The following KCNH1 variants were observed in gnomAD, a reference collection of about 807,000 sequenced individuals.
KCNH1 encodes the protein voltage-gated delayed rectifier potassium channel KCNH1.
KCNH1 carries 27 observed loss-of-function variants against 69.2 expected under a neutral mutation model. The ratio of observed to expected loss-of-function variants is 0.39; its 90% CI spans 0.29 to 0.54. The LOEUF (loss-of-function observed/expected upper bound fraction) is 0.54. KCNH1 is among the 20% of genes least tolerant of loss of function. KCNH1 has a pLI of 0.68. For synonymous variants in KCNH1, 456 were observed against 487.7 expected (o/e 0.93, Z 0.86); for missense variants, 798 against 1,261.6 (o/e 0.63, Z 5.57).
chr1:211,059,925 A>C (rs1690399807), intron 5 of KCNH1, among the ~76,000 whole-genome samples: 1 of 152,168 alleles, frequency 6.6e-6, no homozygotes, highest in Non-Finnish European at 1.5e-5. Flanking sequence ...ACACCTGCAA[A>C]ATACACATTC....
chr1:210,990,948 A>G (rs1271949499), intron 6 of KCNH1, among the ~76,000 whole-genome samples: 1 of 152,154 alleles, frequency 6.6e-6, no homozygotes, highest in African/African-American at 2.4e-5. Context: ...TGCTTTACCA[A>G]CATAGACTAT....
intron 10 of KCNH1, among the ~76,000 whole-genome samples, chr1:210,750,978 T>A (rs1683270874): frequency 6.6e-6 from 1 of 152,232 alleles, no homozygotes; most frequent in African/African-American, 2.4e-5. Flanking sequence ...CAACAGGTAC[T>A]TCTCTTAAGA....
intron 7 of KCNH1, among the ~76,000 whole-genome samples, chr1:210,871,192 A>G (rs569678169): frequency 2.0e-5 from 3 of 152,220 alleles, no homozygotes; most frequent in Non-Finnish European, 4.4e-5. Flanking sequence ...AATGAATGCA[A>G]ACAAATTTAC....
At chr1:210,809,628 A>G (rs899826889) in intron 7 of KCNH1, among the ~76,000 whole-genome samples, 1 of 152,188 alleles carries the variant, frequency 6.6e-6, no homozygotes, top group African/African-American at 2.4e-5. Context: ...AGCAGAGTAC[A>G]TGAAAACCCT....
At chr1:210,766,915 A>G (rs1683647440) in intron 10 of KCNH1, among the ~76,000 whole-genome samples, 1 of 152,254 alleles carries the variant, frequency 6.6e-6, no homozygotes, top group Non-Finnish European at 1.5e-5. Context: ...TTAATCTAAC[A>G]TCTTATAAAG....
chr1:210,749,303 C>T (rs1235701275), intron 10 of KCNH1, among the ~76,000 whole-genome samples: 1 of 152,168 alleles, frequency 6.6e-6, no homozygotes, highest in East Asian at 1.9e-4. Flanking sequence ...CCAAGAGAGG[C>T]TTCTGGGAGA....
chr1:210,961,893 T>G (rs1204052709), intron 6 of KCNH1, among the ~76,000 whole-genome samples: 2 of 152,190 alleles, frequency 1.3e-5, no homozygotes, highest in Non-Finnish European at 2.9e-5. Context: ...TAATGCCTTG[T>G]CTGATAATTT....
chr1:210,738,853 A>C (rs1247671783), intron 10 of KCNH1, among the ~76,000 whole-genome samples: 1 of 152,124 alleles, frequency 6.6e-6, no homozygotes, highest in Admixed American at 6.5e-5. Flanking sequence ...GGCATGAGCC[A>C]TTGCGCCTGA....
chr1:210,760,888 A>G (rs1441975173), intron 10 of KCNH1, among the ~76,000 whole-genome samples: 2 of 152,312 alleles, frequency 1.3e-5, no homozygotes, highest in African/African-American at 2.4e-5. Context: ...CCCAAAACAC[A>G]TGGGAATTCA....
intron 6 of KCNH1, among the ~76,000 whole-genome samples, chr1:210,969,359 A>G (rs1453101578): frequency 6.6e-6 from 1 of 152,096 alleles, no homozygotes; most frequent in Non-Finnish European, 1.5e-5. Flanking sequence ...AAAACTTTAT[A>G]TAAGACTAGA....
At chr1:211,076,401 G>A (rs1471736657) in intron 5 of KCNH1, among the ~76,000 whole-genome samples, 4 of 149,166 alleles carry the variant, frequency 2.7e-5, no homozygotes, top group Non-Finnish European at 4.4e-5. Flanking sequence ...GGATCAGGCA[G>A]CAATATTTGC....
chr1:211,060,424 AAG>A (rs1204115316), intron 5 of KCNH1, among the ~76,000 whole-genome samples: 7 of 148,826 alleles, frequency 4.7e-5, no homozygotes, highest in Non-Finnish European at 1.0e-4. Flanking sequence ...AAAAAAAAAA[AAG>A]AAATAAAAAA....
rs183478757 is a variant in KCNH1 at position 211,123,745 on chromosome 1, C to T, written c.79+10122G>A. Among the ~76,000 whole-genome samples the T allele has an allele frequency of 4.4e-4, 67 of 152,020 alleles. No individual in the cohort carries two copies. In the East Asian group the frequency reaches 0.012, roughly 27 times the overall value. ...AAAAGCATGAGCCGAGAGCAAGAGA[C>T]CAATAATAGCAAGACTGAGAGAGTG... On this transcript the variant is annotated intron_variant, in intron 1 of 10. Coordinates refer to ENST00000271751, the MANE Select transcript of KCNH1 (RefSeq NM_172362.3).
chr1:210,961,038 A>G (rs1344263213), intron 6 of KCNH1, among the ~76,000 whole-genome samples: 1 of 152,158 alleles, frequency 6.6e-6, no homozygotes. Context: ...CAATGCAGTT[A>G]TAATAGTTGT....
chr1:210,892,573 G>A (rs960605279), intron 7 of KCNH1, among the ~76,000 whole-genome samples: 2 of 152,078 alleles, frequency 1.3e-5, no homozygotes, highest in Admixed American at 1.3e-4. Flanking sequence ...AAATGTATGA[G>A]TTCATTTAAG....
At chr1:210,993,895 T>C (rs1441983909) in intron 6 of KCNH1, among the ~76,000 whole-genome samples, 2 of 152,162 alleles carry the variant, frequency 1.3e-5, no homozygotes, top group African/African-American at 4.8e-5. Context: ...TGTCTCTGAC[T>C]TCATCAGTAG....
intron 9 of KCNH1, among the ~76,000 whole-genome samples, chr1:210,786,144 C>A (rs1558468941): frequency 6.6e-6 from 1 of 152,274 alleles, no homozygotes; most frequent in Non-Finnish European, 1.5e-5. Context: ...GCTCCTCACC[C>A]CCATACTCCA....
intron 10 of KCNH1, among the ~76,000 whole-genome samples, chr1:210,761,019 G>C (rs1233062849): frequency 6.6e-6 from 1 of 151,852 alleles, no homozygotes; most frequent in African/African-American, 2.4e-5. Flanking sequence ...TTGGGAGGCC[G>C]AGGCGGGCGG....
chr1:210,902,588 C>T (rs538553989), intron 7 of KCNH1, among the ~76,000 whole-genome samples: 5 of 152,298 alleles, frequency 3.3e-5, no homozygotes, highest in East Asian at 3.9e-4. Context: ...CCCACAGACC[C>T]GCCATATGGC....
Sources: allele counts gnomAD v4.1 joint callset (sites outside exome capture counted in the v4.1 genomes callset), GRCh38; gene constraint gnomAD v4.1.1; transcripts MANE v1.5; gene names NCBI Gene and HGNC (gene_info 2026-07-23, HGNC 2026-07-21).